The following PTPRE variants were observed in gnomAD, a reference collection of about 807,000 sequenced individuals.
PTPRE encodes the protein receptor-type tyrosine-protein phosphatase epsilon.
In PTPRE, 51 loss-of-function variants were observed where a neutral mutation model predicts 102.0. That is an observed-to-expected ratio of 0.50 (90% CI 0.40 to 0.63). The LOEUF (loss-of-function observed/expected upper bound fraction) is 0.63. Among genes scored for constraint, PTPRE ranks in the 30% least tolerant of loss-of-function variants. The probability of loss-of-function intolerance (pLI) is 0.00; values close to 1 mark genes in which losing one functional copy is unlikely to be tolerated. For missense variants in PTPRE, 752 were observed against 915.1 expected (o/e 0.82, Z 2.30); for synonymous variants, 345 against 348.2 (o/e 0.99, Z 0.10).
In PTPRE at chr10:127,982,874, C is replaced by G. The variant is rs116358717; in HGVS notation, c.-8+578C>G. On this transcript the variant is annotated intron_variant, in intron 2 of 20. Coordinates refer to ENST00000254667, the MANE Select transcript of PTPRE (RefSeq NM_006504.6). Reference sequence around the variant, plus strand: ...CTTAGAAAAAGAAAACTTTAAACAACAGAGCCCTTTTGCAGTCTACTTAAT... The same window carrying G: ...CTTAGAAAAAGAAAACTTTAAACAAGAGAGCCCTTTTGCAGTCTACTTAAT... Among the ~76,000 whole-genome samples, 306 of 152,328 alleles carry G rather than the reference C, an allele frequency of 2.0e-3. 1 individual carries two copies. Among genetic ancestry groups the G allele is most frequent in the African/African-American group, 7.2e-3 (298 of 41,570 alleles).
At chr10:127,973,124 G>T (rs146986804) in intron 1 of PTPRE, among the ~76,000 whole-genome samples, 4 of 152,136 alleles carry the variant, frequency 2.6e-5, no homozygotes, top group African/African-American at 9.7e-5. Context: ...GCATATTTTT[G>T]CTATAATGCT....
chr10:127,922,420 GT>G (rs1564798701), intron 1 of PTPRE, among the ~76,000 whole-genome samples: 2 of 152,218 alleles, frequency 1.3e-5, no homozygotes, highest in East Asian at 3.9e-4. Context: ...TGGAGACTCC[GT>G]GGGGCAAGGG....
At chr10:128,026,441 C>T (rs536459788) in intron 2 of PTPRE, among the ~76,000 whole-genome samples, 20 of 152,360 alleles carry the variant, frequency 1.3e-4, no homozygotes, top group East Asian at 9.6e-4. Context: ...TATAGAACAA[C>T]GCCCACTTCC....
At chr10:127,939,106 A>T (rs1217457023) in intron 1 of PTPRE, among the ~76,000 whole-genome samples, 1 of 152,216 alleles carries the variant, frequency 6.6e-6, no homozygotes, top group East Asian at 1.9e-4. Context: ...ACTAACCCTC[A>T]TCATTCATTA....
intron 1 of PTPRE, among the ~76,000 whole-genome samples, chr10:127,962,534 T>TGGTGACATGGGGAGA (rs1849904824): frequency 6.6e-6 from 1 of 152,166 alleles, no homozygotes; most frequent in Non-Finnish European, 1.5e-5. Flanking sequence ...CGATGGAGTG[T>TGGTGACATGGGGAGA]GCCCTGGTGA....
Position 127,924,892 on chromosome 10 carries a change from A to G in PTPRE, c.-31+17583A>G, listed in dbSNP as rs1846892755. Among the ~76,000 whole-genome samples, 3 of 152,370 alleles carry G rather than the reference A, an allele frequency of 2.0e-5. No homozygotes were observed. The South Asian group carries it at 6.2e-4, about 32-fold the overall frequency. The stretch of plus-strand genomic sequence containing the variant: ...AATAAGCAAAGCAAGAAAACCTCAG[A>G]CATTGGTACCAGCTCTATTTTAAGC... On this transcript the variant is annotated intron_variant, in intron 1 of 20. Transcript: ENST00000254667.
chr10:128,063,099 G>A lies in PTPRE; in HGVS notation c.642G>A (p.Thr214=), dbSNP rs773942203. Residue 214 remains threonine, a synonymous_variant, in exon 10 of 21, where the codon ACG becomes ACA. Transcript: ENST00000254667. ...TACACACAGGTCCCAAACAGGAAAC[G>A]GTTAACGACTTCTGGAGAATGGTCT... ...FIAAQGPKQE[T]VNDFWRMVWE... 1.4e-5 allele frequency: 22 copies of A among 1,614,066 alleles called. No individual in the cohort carries two copies. The highest frequency in any genetic ancestry group is 2.2e-5 in the East Asian group (1 of 44,898).
chr10:128,070,403 G>T lies in PTPRE; in HGVS notation c.1246G>T (p.Gly416Cys). The change falls in exon 14 of 21, where the codon GGC (glycine) becomes TGC (cysteine). Residue 416 changes from glycine (G) to cysteine (C), a missense_variant. Gly to Cys is a radical substitution (Grantham distance 159). Transcript: ENST00000254667. The surrounding 1 kb of genome is among the most constrained non-coding windows in gnomAD (Gnocchi z 4.8). The part of the protein sequence containing the change: ...SLEKHLQTMH[G>C]TTTHFDKIGL... ...GGAGAAGCACCTGCAGACCATGCAC[G>T]GCACCACCACCCACTTCGACAAGAT... is the stretch of plus-strand genomic sequence containing the variant. The T allele has an allele frequency of 6.2e-7, 1 of 1,614,142 alleles. No individual in the cohort carries two copies. The highest frequency in any genetic ancestry group is 8.5e-7 in the Non-Finnish European group (1 of 1,180,016).
chr10:128,070,750 CAATGTGCTCA>C lies in PTPRE; in HGVS notation c.1294-57_1294-48del, dbSNP rs1445980094. ...CCAGCAGCACTAGTCCTCGGCTGAG[CAATGTGCTCA>C]GGAGTGTCAGAGGTTTAACTGTGTC... On this transcript the variant is annotated intron_variant, in intron 14 of 20. Transcript: ENST00000254667. The surrounding 1 kb of genome is among the most constrained non-coding windows in gnomAD (Gnocchi z 4.8). 6.5e-7 allele frequency: 1 copy of C among 1,547,808 alleles called. No homozygotes were observed.
At chr10:127,981,913 G>A (rs1214287609) in intron 1 of PTPRE, among the ~76,000 whole-genome samples, 1 of 152,156 alleles carries the variant, frequency 6.6e-6, no homozygotes, top group Non-Finnish European at 1.5e-5. Flanking sequence ...CCCAGACCAG[G>A]TTGTAAAAGG....
intron 2 of PTPRE, among the ~76,000 whole-genome samples, chr10:128,014,557 C>A (rs1845273738): frequency 6.6e-6 from 1 of 152,236 alleles, no homozygotes; most frequent in Admixed American, 6.5e-5. Flanking sequence ...AGATTAAAAT[C>A]TGTGTATCTG....
intron 7 of PTPRE, among the ~76,000 whole-genome samples, chr10:128,059,986 G>A (rs11016045): frequency 0.34 from 49,125 of 144,304 alleles, 8,464 homozygotes; most frequent in South Asian, 0.46. Context: ...CGCACATAAC[G>A]CACACACATA....
chr10:128,081,847 C>G (rs908019611), intron 20 of PTPRE, among the ~76,000 whole-genome samples: 1 of 152,194 alleles, frequency 6.6e-6, no homozygotes, highest in East Asian at 1.9e-4. Flanking sequence ...CTGGCCAGAC[C>G]GGGACTCAGG....
At chr10:128,047,270 T>C in intron 3 of PTPRE, 120 bp from the exon 4 acceptor site, 8 of 1,377,256 alleles carry the variant, frequency 5.8e-6, no homozygotes, top group Non-Finnish European at 6.7e-6. Context: ...GGATGATGGA[T>C]CCACTTTACA....
intron 19 of PTPRE, among the ~76,000 whole-genome samples, chr10:128,078,179 G>T (rs945411886): frequency 6.6e-6 from 1 of 152,130 alleles, no homozygotes; most frequent in Non-Finnish European, 1.5e-5. Flanking sequence ...GCCTACACCC[G>T]CCCTCTCCCA....
At chr10:127,928,637 C>T (rs1847201900) in intron 1 of PTPRE, among the ~76,000 whole-genome samples, 1 of 152,186 alleles carries the variant, frequency 6.6e-6, no homozygotes, top group African/African-American at 2.4e-5. Flanking sequence ...TGGAATCCTG[C>T]ACTCATCTAC....
intron 17 of PTPRE, among the ~76,000 whole-genome samples, chr10:128,075,282 T>A (rs1282140929): frequency 6.6e-6 from 1 of 152,258 alleles, no homozygotes; most frequent in Non-Finnish European, 1.5e-5. Flanking sequence ...ACCTGTACAT[T>A]CTTTTTTTAA....
intron 1 of PTPRE, among the ~76,000 whole-genome samples, chr10:127,932,475 G>T (rs1406961782): frequency 2.6e-5 from 4 of 152,236 alleles, no homozygotes; most frequent in Non-Finnish European, 4.4e-5. Context: ...CAGGTGGAAC[G>T]GTAAGAACAG....
chr10:128,052,695 C>G lies in PTPRE; in HGVS notation c.420+3029C>G, dbSNP rs1409435984. Among the ~76,000 whole-genome samples, 3 of 152,178 alleles carry G rather than the reference C, an allele frequency of 2.0e-5. No homozygotes were observed. In the East Asian group the frequency reaches 5.8e-4, roughly 29 times the overall value. ...ATCCCCCGCTTCAGACAGGCTCGTC[C>G]CTACCTCCATCCTAGCAAGTTATGT... On this transcript the variant is annotated intron_variant, in intron 6 of 20. Coordinates refer to ENST00000254667, the MANE Select transcript of PTPRE (RefSeq NM_006504.6).
Sources: gnomAD v4.1 joint callset for allele counts (sites outside exome capture counted in the v4.1 genomes callset) on GRCh38, gnomAD v4.1.1 for gene constraint, Gnocchi (gnomAD v3.1) non-coding constraint, MANE v1.5 for transcripts, NCBI Gene and HGNC (gene_info 2026-07-23, HGNC 2026-07-21) for gene names.